PRKG1: variants seen among roughly 807,000 people sequenced by gnomAD.
The protein encoded by PRKG1 is cGMP-dependent protein kinase 1.
In PRKG1, 35 loss-of-function variants were observed where a neutral mutation model predicts 88.1. That is an observed-to-expected ratio of 0.40 (90% CI 0.30 to 0.53). The LOEUF is 0.53. PRKG1 is among the 20% of genes least tolerant of loss of function. The pLI, the probability that PRKG1 is intolerant of heterozygous loss-of-function variation, is 0.59. For missense variants in PRKG1, 540 were observed against 839.8 expected (o/e 0.64, Z 4.41); for synonymous variants, 303 against 292.5 (o/e 1.04, Z -0.37).
At chr10:51,896,066 G>C (rs186537811) in intron 4 of PRKG1, among the ~76,000 whole-genome samples, 1 of 152,260 alleles carries the variant, frequency 6.6e-6, no homozygotes, top group Admixed American at 6.5e-5. Flanking sequence ...TTGAGGAAGA[G>C]TTAAACAATG....
At chr10:52,041,165 G>T (rs1366908495) in intron 5 of PRKG1, among the ~76,000 whole-genome samples, 1 of 152,000 alleles carries the variant, frequency 6.6e-6, no homozygotes, top group Non-Finnish European at 1.5e-5. Context: ...TGCCTAATTT[G>T]TTTAGAGTTT....
intron 7 of PRKG1, among the ~76,000 whole-genome samples, chr10:52,100,802 T>C (rs1487068778): frequency 6.6e-6 from 1 of 152,220 alleles, no homozygotes; most frequent in Non-Finnish European, 1.5e-5. Context: ...AACCTCTTAT[T>C]TATATCTGCT....
At chr10:51,041,065 T>G (rs1474028610) in intron 1 of PRKG1, among the ~76,000 whole-genome samples, 2 of 151,982 alleles carry the variant, frequency 1.3e-5, no homozygotes, top group Non-Finnish European at 2.9e-5. Flanking sequence ...ACCCTTACCC[T>G]TCCCTCAAGC....
chr10:51,029,755 A>G (rs888528117), intron 1 of PRKG1, among the ~76,000 whole-genome samples: 27 of 152,174 alleles, frequency 1.8e-4, no homozygotes, highest in African/African-American at 6.0e-4. Context: ...GTGAGGATCA[A>G]ATGAAATCGT....
At chr10:51,016,669 C>CTTTTTTTTTTTTTTTTTTTTTTTTTT (rs1323068893) in intron 1 of PRKG1, among the ~76,000 whole-genome samples, 5 of 22,760 alleles carry the variant, frequency 2.2e-4, no homozygotes, top group Non-Finnish European at 3.3e-4. Flanking sequence ...TATTATTATC[C>CTTTTTTTTTTTTTTTTTTTTTTTTTT]TTTCTTTTTT....
In PRKG1 at chr10:51,626,486, T is replaced by A. The variant is rs562161691; in HGVS notation, c.592+158650T>A. Among the ~76,000 whole-genome samples, 6 of 152,322 alleles carry A rather than the reference T, an allele frequency of 3.9e-5. 1 individual carries two copies. In the South Asian group the frequency reaches 6.2e-4, roughly 16 times the overall value. ...TAAAATAATCGTTGAAAGTTATTTT[T>A]TGAAATCCTAGGGGGAATTTTTCTC... On this transcript the variant is annotated intron_variant, in intron 3 of 17. Transcript: ENST00000373980.
intron 4 of PRKG1, among the ~76,000 whole-genome samples, chr10:51,805,733 A>G (rs2132613312): frequency 6.6e-6 from 1 of 152,148 alleles, no homozygotes; most frequent in African/African-American, 2.4e-5. Context: ...TTACTTGGAT[A>G]TTTCTTGTAG....
intron 5 of PRKG1, among the ~76,000 whole-genome samples, chr10:51,985,788 G>C (rs1436789538): frequency 6.6e-6 from 1 of 152,176 alleles, no homozygotes; most frequent in East Asian, 1.9e-4. Flanking sequence ...GTGGATGCCA[G>C]GTGTCTTAGT....
intron 4 of PRKG1, among the ~76,000 whole-genome samples, chr10:51,868,725 A>G (rs2132851851): frequency 6.6e-6 from 1 of 152,286 alleles, no homozygotes; most frequent in South Asian, 2.1e-4. Context: ...TGTGTCAAAC[A>G]TGTACTAGCT....
At chr10:51,649,472 G>A (rs189227722) in intron 3 of PRKG1, among the ~76,000 whole-genome samples, 1 of 151,950 alleles carries the variant, frequency 6.6e-6, no homozygotes, top group East Asian at 1.9e-4. Flanking sequence ...TAAAGAACAT[G>A]CTTGCTGAAT....
chr10:52,092,542 C>T (rs1038653980), intron 7 of PRKG1, among the ~76,000 whole-genome samples: 1 of 152,100 alleles, frequency 6.6e-6, no homozygotes, highest in African/African-American at 2.4e-5. Flanking sequence ...TGTAACCTTA[C>T]CCCCTTCAGC....
intron 1 of PRKG1, among the ~76,000 whole-genome samples, chr10:51,094,911 G>A (rs1027965444): frequency 1.3e-5 from 2 of 152,096 alleles, no homozygotes; most frequent in Non-Finnish European, 2.9e-5. Flanking sequence ...ATTAGCATTT[G>A]AGTCACTTGA....
At chr10:51,658,059 A>G (rs1564593490) in intron 3 of PRKG1, among the ~76,000 whole-genome samples, 1 of 152,196 alleles carries the variant, frequency 6.6e-6, no homozygotes, top group Non-Finnish European at 1.5e-5. Context: ...GACCAGGCTC[A>G]TGAATGAACT....
intron 3 of PRKG1, among the ~76,000 whole-genome samples, chr10:51,630,477 A>C (rs1032178678): frequency 2.4e-4 from 36 of 152,332 alleles, no homozygotes; most frequent in African/African-American, 8.7e-4. Flanking sequence ...ATACTGACAC[A>C]AAATGACCAG....
At chr10:51,259,261 AG>A (rs1468054811) in intron 2 of PRKG1, among the ~76,000 whole-genome samples, 4 of 152,184 alleles carry the variant, frequency 2.6e-5, no homozygotes, top group Non-Finnish European at 5.9e-5. Flanking sequence ...ATGAGGTTTT[AG>A]GCATGCCATT....
At chr10:51,548,714 C>T (rs1842504969) in intron 3 of PRKG1, among the ~76,000 whole-genome samples, 1 of 152,080 alleles carries the variant, frequency 6.6e-6, no homozygotes. Flanking sequence ...TTTGAGTTAT[C>T]AACTTTAGTT....
intron 2 of PRKG1, among the ~76,000 whole-genome samples, chr10:51,200,415 G>A (rs539317579): frequency 6.6e-6 from 1 of 152,308 alleles, no homozygotes; most frequent in Admixed American, 6.5e-5. Flanking sequence ...ATTATGAAGG[G>A]TTTGAATGCT....
intron 3 of PRKG1, among the ~76,000 whole-genome samples, chr10:51,511,665 G>A (rs1197747857): frequency 6.6e-6 from 1 of 152,184 alleles, no homozygotes. Context: ...TGGTTAAAAT[G>A]AGAAAGACTG....
intron 9 of PRKG1, among the ~76,000 whole-genome samples, chr10:52,177,222 A>T (rs545864535): frequency 2.0e-5 from 3 of 152,166 alleles, no homozygotes; most frequent in Non-Finnish European, 2.9e-5. Context: ...TTATGAAGGG[A>T]TGTTGAATTT....
Sources: gnomAD v4.1 joint callset for allele counts (sites outside exome capture counted in the v4.1 genomes callset) on GRCh38, gnomAD v4.1.1 for gene constraint, MANE v1.5 for transcripts, NCBI Gene and HGNC (gene_info 2026-07-23, HGNC 2026-07-21) for gene names.